TMEM9: variants seen among roughly 807,000 people sequenced by gnomAD.
The protein encoded by TMEM9 is proton-transporting V-type ATPase complex assembly regulator TMEM9.
TMEM9 carries 13 observed loss-of-function variants against 22.8 expected under a neutral mutation model. That is an observed-to-expected ratio of 0.57 (90% CI 0.37 to 0.91). The LOEUF is 0.91. TMEM9 is among the 40% of genes least tolerant of loss of function. TMEM9 has a pLI of 0.01. For missense variants in TMEM9, 182 were observed against 238.1 expected, an observed-to-expected ratio of 0.76 and a Z score of 1.55; for synonymous variants, 88 against 93.0, an observed-to-expected ratio of 0.95 and a Z score of 0.31.
chr1:201,135,180 G>A lies in TMEM9; in HGVS notation c.*483C>T. 6.5e-6 allele frequency: 1 copy of A among 152,962 alleles called. No individual in the cohort carries two copies. The highest frequency in any genetic ancestry group is 1.9e-4 in the South Asian group (1 of 5,132). 9.5% of individuals were successfully genotyped at this position (152,962 alleles called of 1,614,324 possible). A position where few individuals can be genotyped will look rare whatever the true frequency, so the allele number is the denominator to read the frequency against. Reference sequence around the variant, plus strand: ...CCTCAGGGCTGGAGCTGGGGCTGGGGCTGAGGCGCTGGGGCTGGGAGGGAG... The same window carrying A: ...CCTCAGGGCTGGAGCTGGGGCTGGGACTGAGGCGCTGGGGCTGGGAGGGAG... On this transcript the variant is annotated 3_prime_UTR_variant, in exon 5 of 5. Coordinates refer to ENST00000367330, the MANE Select transcript of TMEM9 (RefSeq NM_001288565.2).
chr1:201,159,192 T>G (rs996356359), upstream of TMEM9, among the ~76,000 whole-genome samples: 1 of 152,240 alleles, frequency 6.6e-6, no homozygotes, highest in Non-Finnish European at 1.5e-5. Flanking sequence ...AAAGGGGCAG[T>G]AATGTGGGGG....
At chr1:201,143,344 T>C (rs1050573296) in intron 4 of TMEM9, among the ~76,000 whole-genome samples, 15 of 152,214 alleles carry the variant, frequency 9.9e-5, no homozygotes, top group African/African-American at 3.6e-4. Flanking sequence ...CACTGTCTCA[T>C]TCCTCTTCCG....
At chr1:201,158,184 C>T (rs1353865732), upstream of TMEM9, among the ~76,000 whole-genome samples, 2 of 152,098 alleles carry the variant, frequency 1.3e-5, no homozygotes, top group Non-Finnish European at 2.9e-5. Context: ...CAAGGCCAGC[C>T]AATGCATTCT....
intron 2 of TMEM9, among the ~76,000 whole-genome samples, chr1:201,147,659 C>G (rs1665087052): frequency 6.6e-6 from 1 of 152,222 alleles, no homozygotes; most frequent in Admixed American, 6.5e-5. Flanking sequence ...GAATGCAACT[C>G]TGGTCATGTC....
chr1:201,152,415 A>G (rs1055993317), intron 1 of TMEM9, among the ~76,000 whole-genome samples: 16 of 152,244 alleles, frequency 1.1e-4, no homozygotes, highest in Non-Finnish European at 2.2e-4. Flanking sequence ...TGTCTTTACT[A>G]ATTAGGATTT....
intron 3 of TMEM9, among the ~76,000 whole-genome samples, chr1:201,146,065 G>A (rs575607046): frequency 6.6e-6 from 1 of 152,242 alleles, no homozygotes; most frequent in African/African-American, 2.4e-5. Flanking sequence ...AGCCGCACTG[G>A]GGGGCTGGGG....
chr1:201,135,592 C>G lies in TMEM9; in HGVS notation c.*71G>C. The G allele has an allele frequency of 1.4e-6, 2 of 1,419,822 alleles. No individual in the cohort carries two copies. The highest frequency in any genetic ancestry group is 1.9e-6 in the Non-Finnish European group (2 of 1,068,496). The allele number at this position is 1,419,822 out of a possible 1,614,324, so 88.0% of individuals were successfully genotyped here. On this transcript the variant is annotated 3_prime_UTR_variant, in exon 5 of 5. Transcript: ENST00000367330. ...TGGAACCGAGGGAAGGGAGAAGTAG[C>G]CCCCTGCTTTGTCCAGCCTGGAAGC...
At chr1:201,169,059 G>A (rs968931405) in intron 1 of TMEM9, among the ~76,000 whole-genome samples, 1 of 149,698 alleles carries the variant, frequency 6.7e-6, no homozygotes, top group Non-Finnish European at 1.5e-5. Context: ...GAGGGTTTTA[G>A]AATGCACACA....
rs1197675012 is a variant in TMEM9 at position 201,154,449 on chromosome 1, A to C, written c.-526T>G. 6.4e-6 allele frequency: 1 copy of C among 155,086 alleles called. No individual in the cohort carries two copies. The highest frequency in any genetic ancestry group is 1.4e-5 in the Non-Finnish European group (1 of 70,216). 9.6% of individuals were successfully genotyped at this position (155,086 alleles called of 1,614,324 possible). Reference sequence around the variant, plus strand: ...CCCAATGCCGCGTCCACGAACCTACAAGCCCGCTGCAGCCGCAAAAGACCC... The same window carrying C: ...CCCAATGCCGCGTCCACGAACCTACCAGCCCGCTGCAGCCGCAAAAGACCC... On this transcript the variant is annotated 5_prime_UTR_variant, in exon 1 of 5. Coordinates refer to ENST00000367330, the MANE Select transcript of TMEM9 (RefSeq NM_001288565.2).
rs1399461627 is a variant in TMEM9 at position 201,144,048 on chromosome 1, C to A, written c.268-97G>T. 3 of 1,400,012 alleles carry A rather than the reference C, an allele frequency of 2.1e-6. No individual in the cohort carries two copies. In the African/African-American group the frequency reaches 4.3e-5, roughly 20 times the overall value. The allele number at this position is 1,400,012 out of a possible 1,614,324, so 86.7% of individuals were successfully genotyped here. A position where few individuals can be genotyped will look rare whatever the true frequency, so the allele number is the denominator to read the frequency against. The stretch of plus-strand genomic sequence containing the variant: ...GCCATCTGTGTCCGGCTGGCAGTGA[C>A]TCCTCAAGTGGTGCACTAAGAAAGG... On this transcript the variant is annotated intron_variant, in intron 3 of 4. Transcript: ENST00000367330.
In TMEM9 at chr1:201,154,254, G is replaced by A. The variant is rs953894970; in HGVS notation, c.-331C>T. 21 of 238,488 alleles carry A rather than the reference G, an allele frequency of 8.8e-5. No homozygotes were observed. Among genetic ancestry groups the A allele is most frequent in the African/African-American group, 2.3e-4 (10 of 43,690 alleles). The allele number at this position is 238,488 out of a possible 1,614,324, so 14.8% of individuals were successfully genotyped here. A position where few individuals can be genotyped will look rare whatever the true frequency, so the allele number is the denominator to read the frequency against. ...CGCGCATCACGTCCCACCGCCCTCC[G>A]CCATCTCCGCCTCTGCCCGCCCCGC... is the stretch of plus-strand genomic sequence containing the variant. On this transcript the variant is annotated 5_prime_UTR_variant, in exon 1 of 5. Transcript: ENST00000367330.
intron 2 of TMEM9, among the ~76,000 whole-genome samples, chr1:201,148,538 G>A (rs952867024): frequency 3.7e-4 from 57 of 152,208 alleles, no homozygotes; most frequent in African/African-American, 1.2e-3. Context: ...CCCTGGGCCC[G>A]TTCTCTTCTC....
chr1:201,155,024 C>T (rs934529651), upstream of TMEM9, among the ~76,000 whole-genome samples: 2 of 152,156 alleles, frequency 1.3e-5, no homozygotes, highest in Non-Finnish European at 2.9e-5. Context: ...CATGCTGGTG[C>T]TGGGCCTGGC....
intron 1 of TMEM9, among the ~76,000 whole-genome samples, chr1:201,152,159 T>TGG (rs56085958): frequency 5.2e-5 from 5 of 95,810 alleles, no homozygotes; most frequent in East Asian, 2.6e-4. Context: ...TGAGGGGAAA[T>TGG]GGGTGTGTGT....
intron 4 of TMEM9, among the ~76,000 whole-genome samples, chr1:201,138,120 G>C (rs1032564352): frequency 1.3e-5 from 2 of 152,052 alleles, no homozygotes; most frequent in African/African-American, 4.8e-5. Flanking sequence ...CAGGGCTCCA[G>C]TGTGTGTGTG....
chr1:201,137,595 T>A (rs111421737), intron 4 of TMEM9, among the ~76,000 whole-genome samples: 79 of 152,278 alleles, frequency 5.2e-4, no homozygotes, highest in African/African-American at 1.5e-3. Context: ...TCCATTTTTT[T>A]AAAAATCCTG....
intron 1 of TMEM9, among the ~76,000 whole-genome samples, chr1:201,160,533 G>C (rs1032239520): frequency 2.0e-5 from 3 of 151,992 alleles, no homozygotes; most frequent in South Asian, 2.1e-4. Flanking sequence ...AGGTTGTGGT[G>C]AGCCGAGATC....
intron 2 of TMEM9, among the ~76,000 whole-genome samples, chr1:201,148,374 G>C (rs1239163456): frequency 6.6e-6 from 1 of 152,126 alleles, no homozygotes; most frequent in East Asian, 1.9e-4. Flanking sequence ...GTTTGGTTCA[G>C]GGACCACACT....
At chr1:201,148,852 CG>C (rs1297036476) in intron 2 of TMEM9, among the ~76,000 whole-genome samples, 11 of 152,206 alleles carry the variant, frequency 7.2e-5, no homozygotes, top group Non-Finnish European at 1.3e-4. Flanking sequence ...CTGTTGTAAC[CG>C]GAAGTACTGC....
Sources: allele counts gnomAD v4.1 joint callset (sites outside exome capture counted in the v4.1 genomes callset), GRCh38; gene constraint gnomAD v4.1.1; transcripts MANE v1.5; gene names NCBI Gene and HGNC (gene_info 2026-07-23, HGNC 2026-07-21).